Variants in MCHR2 observed in about 807,000 individuals in gnomAD.
The protein encoded by MCHR2 is melanin concentrating hormone receptor 2.
MCHR2 carries 15 observed loss-of-function variants against 24.8 expected under a neutral mutation model. That is an observed-to-expected ratio of 0.60 (90% CI 0.40 to 0.93). The LOEUF (loss-of-function observed/expected upper bound fraction) is 0.93, where lower values mean the gene tolerates loss of function less well. Among genes scored for constraint, MCHR2 ranks in the 40% least tolerant of loss-of-function variants. The pLI is 0.00. For missense variants in MCHR2, 386 were observed against 408.7 expected (o/e 0.94, Z 0.48); for synonymous variants, 151 against 147.6 (o/e 1.02, Z -0.17).
chr6:99,956,074 G>A lies in MCHR2; in HGVS notation c.74C>T (p.Ala25Val), dbSNP rs1775053361. The change falls in exon 2 of 6, where the codon GCT becomes GTT. Residue 25 changes from alanine to valine, a missense_variant. Transcript: ENST00000281806. ...ATCTACCACACTGGCAGTTTGATAA[G>A]CAAACTCTTTATTCCAGGATTTGTT... ...LLNKSWNKEF[A>V]YQTASVVDTV... 6.2e-7 allele frequency: 1 copy of A among 1,613,184 alleles called. No homozygotes were observed. The highest frequency in any genetic ancestry group is 8.5e-7 in the Non-Finnish European group (1 of 1,179,476).
intron 1 of MCHR2, among the ~76,000 whole-genome samples, chr6:99,959,053 G>A (rs1167363476): frequency 2.0e-5 from 3 of 152,032 alleles, no homozygotes; most frequent in African/African-American, 7.2e-5. Context: ...GTGAAGATTG[G>A]AGCATATATG....
At chr6:99,925,278 A>G (rs1009752516) in intron 5 of MCHR2, among the ~76,000 whole-genome samples, 2 of 150,224 alleles carry the variant, frequency 1.3e-5, no homozygotes, top group East Asian at 1.9e-4. Context: ...TTTTCAGTCT[A>G]TGTGTGTCTT....
At chr6:99,952,451 T>C (rs1423739169) in intron 2 of MCHR2, among the ~76,000 whole-genome samples, 1 of 152,190 alleles carries the variant, frequency 6.6e-6, no homozygotes, top group Non-Finnish European at 1.5e-5. Flanking sequence ...AATGATTTTA[T>C]TGACTTTTAG....
Position 99,919,204 on chromosome 6 carries a change from G to A in MCHR2, c.*1736C>T, listed in dbSNP as rs77697255. On this transcript the variant is annotated 3_prime_UTR_variant, in exon 6 of 6. Coordinates refer to ENST00000281806, the MANE Select transcript of MCHR2 (RefSeq NM_001040179.2). ...TAGACCTCAGCTATGGAAATAAAAT[G>A]TTTCAGATGCTACCTGTCTCAGTGT... Among the ~76,000 whole-genome samples the A allele has an allele frequency of 0.088, 13,351 of 152,146 alleles. 750 individuals carry two copies. The highest frequency in any genetic ancestry group is 0.13 in the Non-Finnish European group (8,750 of 67,966).
chr6:99,971,738 A>G (rs1409331943), intron 1 of MCHR2, among the ~76,000 whole-genome samples: 2 of 152,222 alleles, frequency 1.3e-5, no homozygotes, highest in South Asian at 2.1e-4. Context: ...ACGTCCCACC[A>G]ATACCTAATT....
intron 4 of MCHR2, among the ~76,000 whole-genome samples, chr6:99,939,872 GTT>G (rs34233035): frequency 0.63 from 68,001 of 108,332 alleles, 19,568 homozygotes; most frequent in East Asian, 0.89. Flanking sequence ...GATGGCAGGT[GTT>G]TTTTTTTTTT....
rs572585653 is a variant in MCHR2 at position 99,919,315 on chromosome 6, G to C, written c.*1625C>G. On this transcript the variant is annotated 3_prime_UTR_variant, in exon 6 of 6. Transcript: ENST00000281806. ...TCTGAAATGGTGCCTAAAAATTCTA[G>C]AGTAAAATAAATAGGGTTAAAAATC... Among the ~76,000 whole-genome samples the C allele has an allele frequency of 1.3e-5, 2 of 152,270 alleles. No homozygotes were observed. The highest frequency in any genetic ancestry group is 2.9e-5 in the Non-Finnish European group (2 of 68,018).
At chr6:99,961,976 A>AT (rs1223511307) in intron 1 of MCHR2, among the ~76,000 whole-genome samples, 6 of 152,206 alleles carry the variant, frequency 3.9e-5, no homozygotes, top group East Asian at 3.9e-4. Context: ...TCACAGATAG[A>AT]TTTTTTCTCA....
intron 4 of MCHR2, among the ~76,000 whole-genome samples, chr6:99,941,387 G>C (rs1026093554): frequency 2.0e-5 from 3 of 151,908 alleles, no homozygotes; most frequent in Non-Finnish European, 2.9e-5. Context: ...CTCTGGGAGT[G>C]GGGGCATTCA....
intron 1 of MCHR2, among the ~76,000 whole-genome samples, chr6:99,989,417 A>T (rs768883961): frequency 3.3e-5 from 5 of 152,210 alleles, no homozygotes; most frequent in Non-Finnish European, 7.3e-5. Flanking sequence ...TCACAGTCAG[A>T]TCAAAGGTAA....
rs557671934 is a variant in MCHR2, at chr6:99,948,065, C to A, written c.183-94G>T. The A allele has an allele frequency of 3.2e-5, 34 of 1,072,304 alleles. No homozygotes were observed. In the African/African-American group the frequency reaches 4.9e-4, roughly 15 times the overall value. 66.4% of individuals were successfully genotyped at this position (1,072,304 alleles called of 1,614,324 possible). A position where few individuals can be genotyped will look rare whatever the true frequency, so the allele number is the denominator to read the frequency against. On this transcript the variant is annotated intron_variant, in intron 2 of 5. Coordinates refer to ENST00000281806, the MANE Select transcript of MCHR2 (RefSeq NM_001040179.2). The stretch of plus-strand genomic sequence containing the variant: ...ATACAAATTTTTAATTGACATAATG[C>A]ATTTTAAATGTTAAAGGAAAACCTA...
intron 1 of MCHR2, among the ~76,000 whole-genome samples, chr6:99,966,307 C>G (rs757467481): frequency 1.3e-5 from 2 of 152,092 alleles, no homozygotes; most frequent in Non-Finnish European, 2.9e-5. Flanking sequence ...TGTTTACTAT[C>G]TCCTGTAAAT....
At chr6:99,928,439 A>G (rs912409873) in intron 5 of MCHR2, among the ~76,000 whole-genome samples, 11 of 152,122 alleles carry the variant, frequency 7.2e-5, no homozygotes, top group Admixed American at 4.6e-4. Context: ...TACCTCTGGT[A>G]GAATTCGGCT....
chr6:99,946,112 G>T (rs1320168990), intron 3 of MCHR2, among the ~76,000 whole-genome samples: 1 of 151,606 alleles, frequency 6.6e-6, no homozygotes, highest in Non-Finnish European at 1.5e-5. Context: ...TGGGATTACT[G>T]TTGGTATGGT....
intron 1 of MCHR2, among the ~76,000 whole-genome samples, chr6:99,982,475 A>G (rs1356460125): frequency 1.5e-4 from 22 of 144,738 alleles, no homozygotes; most frequent in East Asian, 8.3e-4. Flanking sequence ...CAGAAAAAAA[A>G]AAAAAAAAAA....
intron 4 of MCHR2, among the ~76,000 whole-genome samples, chr6:99,942,124 G>A (rs1158394740): frequency 6.6e-6 from 1 of 152,066 alleles, no homozygotes; most frequent in Non-Finnish European, 1.5e-5. Flanking sequence ...GTATAAAACG[G>A]CTATGGTAGT....
At chr6:99,991,779 A>C (rs1398684781) in intron 1 of MCHR2, among the ~76,000 whole-genome samples, 1 of 125,744 alleles carries the variant, frequency 8.0e-6, no homozygotes, top group Non-Finnish European at 1.6e-5. Flanking sequence ...ACTGCACTCC[A>C]ACCTGGGTGA....
At chr6:99,956,367 CA>C (rs1775061494) in intron 1 of MCHR2, among the ~76,000 whole-genome samples, 193 bp from the exon 2 acceptor site, 1 of 152,060 alleles carries the variant, frequency 6.6e-6, no homozygotes, top group African/African-American at 2.4e-5. Flanking sequence ...AGGTAAACAG[CA>C]AGTTACAGAA....
At chr6:99,975,990 A>T (rs1775541849) in intron 1 of MCHR2, among the ~76,000 whole-genome samples, 1 of 152,196 alleles carries the variant, frequency 6.6e-6, no homozygotes, top group Non-Finnish European at 1.5e-5. Flanking sequence ...GAGGGTGGGT[A>T]TGCAGACAGT....
Sources: gnomAD v4.1 joint callset for allele counts (sites outside exome capture counted in the v4.1 genomes callset) on GRCh38, gnomAD v4.1.1 for gene constraint, MANE v1.5 for transcripts, NCBI Gene and HGNC (gene_info 2026-07-23, HGNC 2026-07-21) for gene names.